The following ZSWIM5 variants were observed in gnomAD, a reference collection of about 807,000 sequenced individuals.
The protein encoded by ZSWIM5 is zinc finger SWIM-type containing 5, also known as zinc finger SWIM domain-containing protein 5.
A neutral mutation model predicts 119.6 loss-of-function variants in ZSWIM5; 55 were observed. That is an observed-to-expected ratio of 0.46 (90% confidence interval 0.37 to 0.58). ZSWIM5 has a LOEUF of 0.58. Among genes scored for constraint, ZSWIM5 ranks in the 20% least tolerant of loss-of-function variants. The pLI is 0.00. For synonymous variants in ZSWIM5, 537 were observed against 606.9 expected, an observed-to-expected ratio of 0.88 and a Z score of 1.69; for missense variants, 1,193 against 1,512.8, an observed-to-expected ratio of 0.79 and a Z score of 3.51.
At chr1:45,039,242 C>T (rs1322375254) in intron 7 of ZSWIM5, among the ~76,000 whole-genome samples, 169 bp from the exon 8 acceptor site, 1 of 152,172 alleles carries the variant, frequency 6.6e-6, no homozygotes, top group Non-Finnish European at 1.5e-5. Context: ...TACCAGCCAG[C>T]TATAAGGTCA....
chr1:45,049,106 G>A (rs1465143531), intron 5 of ZSWIM5, among the ~76,000 whole-genome samples: 1 of 152,120 alleles, frequency 6.6e-6, no homozygotes, highest in Non-Finnish European at 1.5e-5. Flanking sequence ...ACTCTAGCGT[G>A]GGTGACACAG....
chr1:45,167,952 G>T (rs1645918491), intron 1 of ZSWIM5, among the ~76,000 whole-genome samples: 1 of 152,208 alleles, frequency 6.6e-6, no homozygotes, highest in South Asian at 2.1e-4. Flanking sequence ...AATACCATTT[G>T]ACCCAGCCAT....
intron 1 of ZSWIM5, among the ~76,000 whole-genome samples, chr1:45,164,970 T>C (rs1645891476): frequency 6.6e-6 from 1 of 152,026 alleles, no homozygotes; most frequent in African/African-American, 2.4e-5. Flanking sequence ...GCAGACCTAA[T>C]AGACATCTAC....
chr1:45,159,451 C>G (rs1459924097), intron 1 of ZSWIM5, among the ~76,000 whole-genome samples: 5 of 152,024 alleles, frequency 3.3e-5, no homozygotes, highest in Non-Finnish European at 7.4e-5. Flanking sequence ...ACACAGAATA[C>G]TTTTAGCATA....
At chr1:45,149,668 G>C (rs979463963) in intron 1 of ZSWIM5, among the ~76,000 whole-genome samples, 1 of 152,090 alleles carries the variant, frequency 6.6e-6, no homozygotes, top group Non-Finnish European at 1.5e-5. Context: ...ATCTATAACA[G>C]GCTCATTACC....
chr1:45,106,180 G>GGA (rs1456881233), intron 1 of ZSWIM5, among the ~76,000 whole-genome samples: 2 of 108,932 alleles, frequency 1.8e-5, no homozygotes, highest in African/African-American at 3.5e-5. Context: ...CGGGGAAGTG[G>GGA]GCGCCTCTGC....
At chr1:45,175,075 T>C (rs1645971609) in intron 1 of ZSWIM5, among the ~76,000 whole-genome samples, 1 of 152,148 alleles carries the variant, frequency 6.6e-6, no homozygotes, top group Non-Finnish European at 1.5e-5. Context: ...TTATGTCTCC[T>C]TATTCTCCTT....
At chr1:45,089,531 C>G (rs1277210342) in intron 1 of ZSWIM5, among the ~76,000 whole-genome samples, 3 of 152,206 alleles carry the variant, frequency 2.0e-5, no homozygotes, top group African/African-American at 7.2e-5. Context: ...AACTGAGGTT[C>G]AGAAAGTTTA....
intron 1 of ZSWIM5, among the ~76,000 whole-genome samples, chr1:45,188,710 C>A (rs1361407878): frequency 1.3e-5 from 2 of 152,182 alleles, no homozygotes; most frequent in African/African-American, 4.8e-5. Flanking sequence ...CCTCATTAGG[C>A]AGCCTAGACG....
intron 1 of ZSWIM5, among the ~76,000 whole-genome samples, chr1:45,191,299 A>G (rs986175392): frequency 4.6e-5 from 7 of 152,012 alleles, no homozygotes; most frequent in African/African-American, 1.2e-4. Context: ...GAAAAGTATG[A>G]CCTCAGATGA....
intron 1 of ZSWIM5, among the ~76,000 whole-genome samples, chr1:45,131,522 G>A (rs1645656292): frequency 6.6e-6 from 1 of 151,864 alleles, no homozygotes; most frequent in South Asian, 2.1e-4. Context: ...TCCGGAATTT[G>A]AAACCAGCCT....
chr1:45,081,476 G>T (rs990730854), intron 2 of ZSWIM5, among the ~76,000 whole-genome samples: 1 of 152,250 alleles, frequency 6.6e-6, no homozygotes, highest in Non-Finnish European at 1.5e-5. Flanking sequence ...ACGCCTGACT[G>T]GTTTTCGTAT....
At chr1:45,028,130 G>T (rs1457182064) in intron 11 of ZSWIM5, among the ~76,000 whole-genome samples, 1 of 151,644 alleles carries the variant, frequency 6.6e-6, no homozygotes, top group South Asian at 2.1e-4. Flanking sequence ...GGATTACAGG[G>T]GTGAGCCACC....
chr1:45,052,859 C>T (rs567965945), intron 4 of ZSWIM5, among the ~76,000 whole-genome samples: 7 of 152,126 alleles, frequency 4.6e-5, no homozygotes, highest in Admixed American at 1.3e-4. Flanking sequence ...CAGTGGCTCA[C>T]TCCTGTAATC....
At chr1:45,117,879 C>T (rs938512487) in intron 1 of ZSWIM5, among the ~76,000 whole-genome samples, 4 of 152,122 alleles carry the variant, frequency 2.6e-5, no homozygotes, top group African/African-American at 9.7e-5. Flanking sequence ...TATGAAAAAG[C>T]AGGTGTCAAT....
chr1:45,070,141 C>T (rs1645212555), intron 2 of ZSWIM5: 2 of 1,144,584 alleles, frequency 1.7e-6, no homozygotes, highest in Non-Finnish European at 2.7e-6. Context: ...CCTAAACCTC[C>T]CACTGTAAAC....
Position 45,088,091 on chromosome 1 carries a change from C to A in ZSWIM5, c.742G>T (p.Val248Leu). Residue 248 changes from valine to leucine, a missense_variant, in exon 2 of 14, where the codon GTG becomes TTG. Physicochemically the swap from Val to Leu is conservative, Grantham distance 32. Transcript: ENST00000359600. The surrounding 1 kb of genome is among the most constrained non-coding windows in gnomAD (Gnocchi z 4.2). ...ATCCTGTAGAGTGAGAGTGCTACCACATGGGCACAGTAGAATATGTCCTTG... is the reference window on the plus strand; with the variant it reads ...ATCCTGTAGAGTGAGAGTGCTACCAAATGGGCACAGTAGAATATGTCCTTG... ...GNKDIFYCAH[V>L]VALSLYRIRK... The A allele has an allele frequency of 6.2e-7, 1 of 1,614,186 alleles. No homozygotes were observed. The highest frequency in any genetic ancestry group is 1.1e-5 in the South Asian group (1 of 91,084).
chr1:45,055,269 T>C (rs972644593), intron 4 of ZSWIM5, among the ~76,000 whole-genome samples: 4 of 151,820 alleles, frequency 2.6e-5, no homozygotes, highest in African/African-American at 7.3e-5. Context: ...GGATTACAGG[T>C]GTGAGCCACT....
At chr1:45,064,379 G>A (rs919254066) in intron 2 of ZSWIM5, among the ~76,000 whole-genome samples, 6 of 151,868 alleles carry the variant, frequency 4.0e-5, no homozygotes, top group Non-Finnish European at 7.4e-5. Context: ...ATTCATTTTT[G>A]TACTTCACAG....
Sources: allele counts gnomAD v4.1 joint callset (sites outside exome capture counted in the v4.1 genomes callset), GRCh38; gene constraint gnomAD v4.1.1; non-coding constraint Gnocchi (gnomAD v3.1); transcripts MANE v1.5; gene names NCBI Gene and HGNC (gene_info 2026-07-23, HGNC 2026-07-21).